MUC12: variants seen among roughly 807,000 people sequenced by gnomAD.
The protein encoded by MUC12 is mucin 12, cell surface associated, also known as mucin-12.
A neutral mutation model predicts 230.8 loss-of-function variants in MUC12; 172 were observed. The observed-to-expected ratio is 0.75, with a 90% CI of 0.66 to 0.85. The LOEUF (loss-of-function observed/expected upper bound fraction) is 0.85. MUC12 is among the 40% of genes least tolerant of loss of function. The probability of loss-of-function intolerance (pLI) is 0.00; values close to 1 mark genes in which losing one functional copy is unlikely to be tolerated. For missense variants in MUC12, 3,506 were observed against 5,920.6 expected, an observed-to-expected ratio of 0.59 and a Z score of 13.38; for synonymous variants, 1,259 against 2,401.9, an observed-to-expected ratio of 0.52 and a Z score of 13.91.
chr7:100,983,466 T>C (rs67047657), intron 1 of MUC12, among the ~76,000 whole-genome samples: 70,399 of 151,314 alleles, frequency 0.47, 16,711 homozygotes, highest in East Asian at 0.61. Context: ...AGACTTGTTG[T>C]GATGTTGTGA....
At chr7:101,015,795 G>T in intron 10 of MUC12, 104 bp downstream of exon 10, 1 of 1,040,194 alleles carries the variant, frequency 9.6e-7, no homozygotes, top group South Asian at 1.5e-5. Flanking sequence ...CCCCCCTTTG[G>T]GGTGGCTGTG....
At position 100,995,725 on chromosome 7, in the gene MUC12, G is replaced by T. The variant is rs1051536855; in HGVS notation, c.5162G>T (p.Ser1721Ile). 3 of 1,535,632 alleles carry T rather than the reference G, an allele frequency of 2.0e-6. No individual in the cohort carries two copies. In the Admixed American group the frequency reaches 5.9e-5, roughly 30 times the overall value. The stretch of plus-strand genomic sequence containing the variant: ...TCTACAACCTCCCACGGCAGCCCGA[G>T]CTCAACTCCAACAACCCACTTTTCT... Reference protein sequence around the residue: ...ELSTTSHGSPSSTPTTHFSAS... With the variant: ...ELSTTSHGSPISTPTTHFSAS... Residue 1721 changes from serine (S) to isoleucine (I), a missense_variant, in exon 2 of 12, where the codon AGC (serine) becomes ATC (isoleucine). By Grantham distance (142) the Ser-to-Ile change is moderately radical (BLOSUM62 -2). Transcript: ENST00000536621.
intron 1 of MUC12, among the ~76,000 whole-genome samples, chr7:100,970,592 G>A (rs185122737): frequency 6.6e-6 from 1 of 152,200 alleles, no homozygotes; most frequent in Admixed American, 6.5e-5. Context: ...AGAAAAAATG[G>A]CTGCCAGTTG....
chr7:101,017,548 A>G (rs1355897693), intron 10 of MUC12, 27 bp from the exon 11 acceptor site: 5 of 1,461,842 alleles, frequency 3.4e-6, no homozygotes, highest in Admixed American at 2.0e-5. Flanking sequence ...CAAGGCTCCC[A>G]TCACTCATCA....
intron 1 of MUC12, among the ~76,000 whole-genome samples, chr7:100,987,035 C>T (rs1793199976): frequency 6.6e-6 from 1 of 150,974 alleles, no homozygotes; most frequent in South Asian, 2.1e-4. Context: ...TACAGTAGCC[C>T]CTCCAGTCCA....
intron 1 of MUC12, among the ~76,000 whole-genome samples, chr7:100,982,591 C>T (rs970901988): frequency 1.3e-5 from 2 of 151,764 alleles, no homozygotes; most frequent in African/African-American, 4.8e-5. Flanking sequence ...GACACAGCAC[C>T]ACGCCTGACT....
At chr7:100,983,440 G>A (rs534252450) in intron 1 of MUC12, among the ~76,000 whole-genome samples, 205 of 151,378 alleles carry the variant, frequency 1.4e-3, no homozygotes, top group African/African-American at 4.9e-3. Flanking sequence ...AAAAGAAATA[G>A]CCATGTCCAC....
intron 8 of MUC12, among the ~76,000 whole-genome samples, chr7:101,013,528 T>G (rs1418103059): frequency 6.6e-6 from 1 of 152,236 alleles, no homozygotes; most frequent in Non-Finnish European, 1.5e-5. Context: ...CTGTCAAGAT[T>G]ACCTCTAGCT....
rs775027722 is a variant in MUC12, at chr7:101,004,311, C to T, written c.13748C>T (p.Ala4583Val). 3 of 1,065,264 alleles carry T rather than the reference C, an allele frequency of 2.8e-6. No individual in the cohort carries two copies. Among genetic ancestry groups the T allele is most frequent in the East Asian group, 2.9e-5 (1 of 35,036 alleles). 66.0% of individuals were successfully genotyped at this position (1,065,264 alleles called of 1,614,324 possible). Residue 4583 changes from alanine to valine, a missense_variant, in exon 2 of 12, where the codon GCA (alanine) becomes GTA (valine). By Grantham distance (64) the Ala-to-Val change is moderately conservative. Transcript: ENST00000536621. ...ACAACAGTCCACAGCAGCCCAGTTG[C>T]AACTGCAACAACACCCTCGCCTGCC... ...ESTTVHSSPVATATTPSPARS... is the reference protein window; with the variant it reads ...ESTTVHSSPVVTATTPSPARS...
intron 3 of MUC12, among the ~76,000 whole-genome samples, chr7:101,007,207 C>T (rs1793768263): frequency 6.6e-6 from 1 of 152,234 alleles, no homozygotes; most frequent in African/African-American, 2.4e-5. Context: ...GATCCTCCTG[C>T]CTCGGCCTCC....
chr7:100,971,063 G>A (rs1236240685), intron 1 of MUC12, among the ~76,000 whole-genome samples: 2 of 152,200 alleles, frequency 1.3e-5, no homozygotes, highest in Non-Finnish European at 2.9e-5. Context: ...GGCTGAGGCA[G>A]GAGAATCACT....
intron 1 of MUC12, among the ~76,000 whole-genome samples, chr7:100,975,618 C>T (rs982254201): frequency 8.9e-6 from 1 of 112,264 alleles, no homozygotes; most frequent in Non-Finnish European, 1.9e-5. Context: ...GGGATTGGGG[C>T]AGAAAGGCCA....
In MUC12 at chr7:101,008,773, G is replaced by A. The variant is rs1395975592; in HGVS notation, c.15186+12G>A. On this transcript the variant is annotated intron_variant, in intron 4 of 11. Transcript: ENST00000536621. ...TCTTCAAGAATCGGGTAAGACCAGGGCACACCCAGACACCCCAGGGTGATG... is the reference window on the plus strand; with the variant it reads ...TCTTCAAGAATCGGGTAAGACCAGGACACACCCAGACACCCCAGGGTGATG... 1 of 1,535,720 alleles carries A rather than the reference G, an allele frequency of 6.5e-7. No individual in the cohort carries two copies. Among genetic ancestry groups the A allele is most frequent in the Non-Finnish European group, 8.7e-7 (1 of 1,146,176 alleles).
chr7:100,972,069 C>T (rs1792913404), intron 1 of MUC12: 1 of 702,794 alleles, frequency 1.4e-6, no homozygotes, highest in Non-Finnish European at 2.6e-6. Flanking sequence ...CTCCGGAGGG[C>T]TCCGGAAGAT....
chr7:100,971,181 C>CAAAA (rs112472454), intron 1 of MUC12, among the ~76,000 whole-genome samples: 3,009 of 104,110 alleles, frequency 0.029, 35 homozygotes, highest in Middle Eastern at 0.083. Flanking sequence ...AAGAAACAAA[C>CAAAA]AAAAAAAAAA....
Position 101,006,565 on chromosome 7 carries a change from C to A in MUC12, c.15051C>A (p.Phe5017Leu). The change falls in exon 3 of 12, where the codon TTC becomes TTA. Residue 5017 changes from phenylalanine to leucine, a missense_variant. By Grantham distance (22) the Phe-to-Leu change is conservative. Transcript: ENST00000536621. Reference protein sequence around the residue: ...GYQCLSPLESFPVETPEKLNA... With the variant: ...GYQCLSPLESLPVETPEKLNA... ...AGTGCTTGTCCCCTCTGGAATCCTT[C>A]CCTGTAGGTAATGACCTTTTCTGAG... is the stretch of plus-strand genomic sequence containing the variant. The A allele has an allele frequency of 6.5e-7, 1 of 1,535,490 alleles. No individual in the cohort carries two copies. The highest frequency in any genetic ancestry group is 8.7e-7 in the Non-Finnish European group (1 of 1,145,324).
intron 1 of MUC12, among the ~76,000 whole-genome samples, chr7:100,971,859 C>T (rs543173198): frequency 1.3e-5 from 2 of 152,424 alleles, no homozygotes; most frequent in South Asian, 4.1e-4. Flanking sequence ...CAGGAGTCAG[C>T]AGGTGGCATT....
rs948503968 is a variant in MUC12 at position 101,014,021 on chromosome 7, C to T, written c.15747C>T (p.Leu5249=). 35 of 1,536,896 alleles carry T rather than the reference C, an allele frequency of 2.3e-5. No individual in the cohort carries two copies. The highest frequency in any genetic ancestry group is 3.0e-5 in the Non-Finnish European group (34 of 1,146,824). Residue 5249 remains leucine, a synonymous_variant, in exon 9 of 12, where the codon CTC becomes CTT. Coordinates refer to ENST00000536621, the MANE Select transcript of MUC12 (RefSeq NM_001164462.2). ...IVGAVMAVLL[L]ALIILIILFS... ...GGGCTGTGATGGCGGTGCTGCTGCT[C>T]GCATTGATCATCCTAATCATCTTAT...
At chr7:100,976,892 AG>A (rs1162965124) in intron 1 of MUC12, among the ~76,000 whole-genome samples, 1 of 151,846 alleles carries the variant, frequency 6.6e-6, no homozygotes. Context: ...CTCTACTAAA[AG>A]TACAAAAATT....
Sources: allele counts gnomAD v4.1 joint callset (sites outside exome capture counted in the v4.1 genomes callset), GRCh38; gene constraint gnomAD v4.1.1; transcripts MANE v1.5; gene names NCBI Gene and HGNC (gene_info 2026-07-23, HGNC 2026-07-21).